The following POTEC variants were observed in gnomAD, a reference collection of about 807,000 sequenced individuals.
The protein encoded by POTEC is POTE ankyrin domain family member C.
POTEC carries 35 observed loss-of-function variants against 62.0 expected under a neutral mutation model. That is an observed-to-expected ratio of 0.56 (90% CI 0.43 to 0.75). The LOEUF is 0.75. POTEC is among the 30% of genes least tolerant of loss of function. POTEC has a pLI of 0.00. For synonymous variants in POTEC, 156 were observed against 221.5 expected (o/e 0.70, Z 2.62); for missense variants, 472 against 655.9 (o/e 0.72, Z 3.06).
At chr18:14,527,100 T>A (rs1198218872) in intron 6 of POTEC, among the ~76,000 whole-genome samples, 2 of 152,068 alleles carry the variant, frequency 1.3e-5, no homozygotes, top group South Asian at 2.1e-4. Flanking sequence ...GCTGTGACAA[T>A]AAAGCAAAAA....
At chr18:14,512,774 TACACAC>T (rs55928315) in intron 10 of POTEC, among the ~76,000 whole-genome samples, 102 of 150,040 alleles carry the variant, frequency 6.8e-4, no homozygotes, top group Non-Finnish European at 1.1e-3. Flanking sequence ...CCATCTAGAA[TACACAC>T]ACACACACAC....
chr18:14,543,434 C>T lies in POTEC; in HGVS notation c.-288G>A, dbSNP rs1906034800. 1.6e-5 allele frequency: 9 copies of T among 574,938 alleles called. No individual in the cohort carries two copies. Among genetic ancestry groups the T allele is most frequent in the South Asian group, 1.5e-4 (7 of 45,884 alleles). The allele number at this position is 574,938 out of a possible 1,614,324, so 35.6% of individuals were successfully genotyped here. ...CCAGCCCAGTCAAGGGAATGCCAAA[C>T]CCAGCAGAGAAAAAGTCAAGCCCAG... is the stretch of plus-strand genomic sequence containing the variant. On this transcript the variant is annotated 5_prime_UTR_variant, in exon 1 of 11. Transcript: ENST00000358970.
chr18:14,522,256 GT>G lies in POTEC; in HGVS notation c.1406del (p.His469ProfsTer26), dbSNP rs1910331313. 6.4e-7 allele frequency: 1 copy of G among 1,574,060 alleles called. No individual in the cohort carries two copies. The highest frequency in any genetic ancestry group is 1.4e-5 in the African/African-American group (1 of 72,276). ...QFPDTENEEY[H>X]SDEQNDTRKQ... The stretch of plus-strand genomic sequence containing the variant: ...ATTAAATGTTGCCATAGGCTTACCT[GT>G]GATACTCTTCATTCTCAGTGTCAGG... On this transcript the variant is annotated frameshift_variant, in exon 9 of 11. Coordinates refer to ENST00000358970, the MANE Select transcript of POTEC (RefSeq NM_001137671.2). LOFTEE classifies it high-confidence loss of function.
At position 14,510,143 on chromosome 18, in the gene POTEC, G is replaced by C. The variant is rs1033880271; in HGVS notation, c.*1755C>G. The C allele has an allele frequency of 3.3e-5, 5 of 152,156 alleles. No homozygotes were observed. The East Asian group carries it at 9.8e-4, about 30-fold the overall frequency. The allele number at this position is 152,156 out of a possible 1,614,324, so 9.4% of individuals were successfully genotyped here. A position where few individuals can be genotyped will look rare whatever the true frequency, so the allele number is the denominator to read the frequency against. On this transcript the variant is annotated 3_prime_UTR_variant, in exon 11 of 11. Coordinates refer to ENST00000358970, the MANE Select transcript of POTEC (RefSeq NM_001137671.2). ...TAATGTAATCACCCCAGGATGGAGGGTCTGTGTTGTGGGCCCAAGCCACGG... is the reference window on the plus strand; with the variant it reads ...TAATGTAATCACCCCAGGATGGAGGCTCTGTGTTGTGGGCCCAAGCCACGG...
intron 9 of POTEC, among the ~76,000 whole-genome samples, chr18:14,518,782 G>C (rs1021658922): frequency 6.8e-6 from 1 of 147,754 alleles, no homozygotes; most frequent in Non-Finnish European, 1.5e-5. Context: ...GCGAATCACA[G>C]AGGTGTGCCT....
At position 14,509,666 on chromosome 18, in the gene POTEC, C is replaced by T. The variant is rs938156229; in HGVS notation, c.*2232G>A. On this transcript the variant is annotated 3_prime_UTR_variant, in exon 11 of 11. Coordinates refer to ENST00000358970, the MANE Select transcript of POTEC (RefSeq NM_001137671.2). ...TTGTACAGAAGCTATGGTGTGGGCA[C>T]CCGAAAGTGCCCTCTAAGCAGGTGT... is the stretch of plus-strand genomic sequence containing the variant. 6.6e-6 allele frequency: 1 copy of T among 150,954 alleles called. No individual in the cohort carries two copies. The highest frequency in any genetic ancestry group is 2.4e-5 in the African/African-American group (1 of 41,074). 9.4% of individuals were successfully genotyped at this position (150,954 alleles called of 1,614,324 possible).
At position 14,507,849 on chromosome 18, in the gene POTEC, C is replaced by T. The variant is rs1022807538; in HGVS notation, c.*4049G>A. The stretch of plus-strand genomic sequence containing the variant: ...CCTTCACTTATGATGCTTAATTTTG[C>T]TGGACATGAAATTCTGGGTTGAAAT... On this transcript the variant is annotated 3_prime_UTR_variant, in exon 11 of 11. Transcript: ENST00000358970. 3.3e-5 allele frequency: 5 copies of T among 152,184 alleles called. No individual in the cohort carries two copies. Among genetic ancestry groups the T allele is most frequent in the South Asian group, 2.1e-4 (1 of 4,834 alleles). The allele number at this position is 152,184 out of a possible 1,614,324, so 9.4% of individuals were successfully genotyped here. A position where few individuals can be genotyped will look rare whatever the true frequency, so the allele number is the denominator to read the frequency against.
In POTEC at chr18:14,542,694, C is replaced by G; in HGVS notation, c.453G>C (p.Lys151Asn). 1 of 1,613,048 alleles carries G rather than the reference C, an allele frequency of 6.2e-7. No homozygotes were observed. The highest frequency in any genetic ancestry group is 8.5e-7 in the Non-Finnish European group (1 of 1,179,904). The change falls in exon 1 of 11, where the codon AAG becomes AAC. Residue 151 changes from lysine (K) to asparagine (N), a missense_variant. Lys to Asn is a moderately conservative substitution (Grantham distance 94). Coordinates refer to ENST00000358970, the MANE Select transcript of POTEC (RefSeq NM_001137671.2). ...TGACGATGAGATCCTTTCTGGGGACCTTACCCCACCAGGCAGCTCTGTGGA... is the reference window on the plus strand; with the variant it reads ...TGACGATGAGATCCTTTCTGGGGACGTTACCCCACCAGGCAGCTCTGTGGA... ...DKLHRAAWWG[K>N]VPRKDLIVML... is the part of the protein sequence containing the mutation.
At chr18:14,514,993 A>C (rs1290023124) in intron 9 of POTEC, among the ~76,000 whole-genome samples, 11 of 152,232 alleles carry the variant, frequency 7.2e-5, no homozygotes, top group Admixed American at 7.2e-4. Flanking sequence ...AATATACTTA[A>C]TGAAGGAGGT....
Position 14,543,192 on chromosome 18 carries a change from G to A in POTEC, c.-46C>T, listed in dbSNP as rs751869047. The A allele has an allele frequency of 3.8e-5, 61 of 1,611,066 alleles. No homozygotes were observed. In the East Asian group the frequency reaches 1.2e-3, roughly 32 times the overall value. ...AGGCCGGTAGTAGCGAACAGATCGCGTCTACCAACCAGTTTCACCAACTAG... is the reference window on the plus strand; with the variant it reads ...AGGCCGGTAGTAGCGAACAGATCGCATCTACCAACCAGTTTCACCAACTAG... On this transcript the variant is annotated 5_prime_UTR_variant, in exon 1 of 11. The change creates a new upstream start codon in the 5' untranslated region. Transcript: ENST00000358970.
intron 4 of POTEC, 123 bp from the exon 5 acceptor site, chr18:14,533,321 C>T: frequency 6.5e-7 from 1 of 1,529,194 alleles, no homozygotes; most frequent in Non-Finnish European, 8.8e-7. Flanking sequence ...TTTACATGCA[C>T]TAAAAGACAT....
At chr18:14,515,661 T>C (rs867102799) in intron 9 of POTEC, among the ~76,000 whole-genome samples, 3 of 95,990 alleles carry the variant, frequency 3.1e-5, no homozygotes, top group African/African-American at 4.6e-5. Context: ...AACAAATAAA[T>C]AAATAAATAA....
At chr18:14,527,557 G>T (rs1319626011) in intron 6 of POTEC, among the ~76,000 whole-genome samples, 1 of 151,646 alleles carries the variant, frequency 6.6e-6, no homozygotes, top group Non-Finnish European at 1.5e-5. Context: ...TGTACAACGT[G>T]GAAACCTGTA....
chr18:14,539,124 A>C (rs1408372299), intron 1 of POTEC, among the ~76,000 whole-genome samples: 4 of 152,150 alleles, frequency 2.6e-5, no homozygotes, highest in Non-Finnish European at 5.9e-5. Flanking sequence ...CTTGAAATTC[A>C]AATGAATAGC....
rs1598474342 is a variant in POTEC at position 14,508,457 on chromosome 18, G to C, written c.*3441C>G. On this transcript the variant is annotated 3_prime_UTR_variant, in exon 11 of 11. Transcript: ENST00000358970. ...CCCAGCCTGGCCACACCTGCTTACA[G>C]GGCACTCTCAGGTGCCCACACATAC... The C allele has an allele frequency of 6.5e-6, 1 of 152,696 alleles. No individual in the cohort carries two copies. Among genetic ancestry groups the C allele is most frequent in the East Asian group, 1.9e-4 (1 of 5,174 alleles). 9.5% of individuals were successfully genotyped at this position (152,696 alleles called of 1,614,324 possible). A position where few individuals can be genotyped will look rare whatever the true frequency, so the allele number is the denominator to read the frequency against.
chr18:14,532,959 T>A, intron 5 of POTEC, 102 bp downstream of exon 5: 1 of 1,592,328 alleles, frequency 6.3e-7, no homozygotes, highest in Non-Finnish European at 8.6e-7. Context: ...TAAAACTACC[T>A]GAACCAAACT....
At chr18:14,516,313 T>TATATATATATATAC (rs1910153626) in intron 9 of POTEC, among the ~76,000 whole-genome samples, 1 of 63,520 alleles carries the variant, frequency 1.6e-5, no homozygotes, top group Non-Finnish European at 2.9e-5. Context: ...TATATATATA[T>TATATATATATATAC]ATATATATAT....
chr18:14,520,205 G>A (rs1430968397), intron 9 of POTEC, among the ~76,000 whole-genome samples: 3 of 151,978 alleles, frequency 2.0e-5, no homozygotes, highest in Non-Finnish European at 4.4e-5. Flanking sequence ...TTACATAACA[G>A]GTGTAGTTTT....
chr18:14,517,570 A>G (rs2143117526), intron 9 of POTEC, among the ~76,000 whole-genome samples: 1 of 152,266 alleles, frequency 6.6e-6, no homozygotes, highest in Admixed American at 6.5e-5. Flanking sequence ...TTTTAAAATA[A>G]AATACTAGTG....
Sources: gnomAD v4.1 joint callset for allele counts (sites outside exome capture counted in the v4.1 genomes callset) on GRCh38, gnomAD v4.1.1 for gene constraint, MANE v1.5 for transcripts, NCBI Gene and HGNC (gene_info 2026-07-23, HGNC 2026-07-21) for gene names.